Variants in CAMK2D observed in about 807,000 individuals in gnomAD.
CAMK2D encodes calcium/calmodulin dependent protein kinase II delta.
In CAMK2D, 37 loss-of-function variants were observed where a neutral mutation model predicts 84.0. The ratio of observed to expected loss-of-function variants is 0.44; its 90% CI spans 0.34 to 0.58. The LOEUF (loss-of-function observed/expected upper bound fraction) is 0.58. Ranked by LOEUF, CAMK2D falls within the 20% of genes least tolerant of loss-of-function variation. The pLI is 0.02. For synonymous variants in CAMK2D, 202 were observed against 212.5 expected, an observed-to-expected ratio of 0.95 and a Z score of 0.43; for missense variants, 448 against 652.5, an observed-to-expected ratio of 0.69 and a Z score of 3.41.
chr4:113,542,695 A>G (rs1024641619), intron 6 of CAMK2D, among the ~76,000 whole-genome samples: 3 of 150,688 alleles, frequency 2.0e-5, no homozygotes, highest in Admixed American at 6.6e-5. Context: ...AGCCTGGGCA[A>G]CAGAGCGAGA....
chr4:113,750,299 T>G (rs80117603), intron 2 of CAMK2D, among the ~76,000 whole-genome samples: 2,975 of 152,224 alleles, frequency 0.02, 127 homozygotes, highest in East Asian at 0.18. Context: ...CAGTACCAGG[T>G]GTACTCACTC....
At chr4:113,622,894 T>C (rs2099052140) in intron 3 of CAMK2D, among the ~76,000 whole-genome samples, 1 of 152,208 alleles carries the variant, frequency 6.6e-6, no homozygotes, top group Non-Finnish European at 1.5e-5. Context: ...AGAATAGGTA[T>C]CTTTATTTTG....
chr4:113,507,107 A>C lies in CAMK2D; in HGVS notation c.985-2072T>G, dbSNP rs558629900. On this transcript the variant is annotated intron_variant, in intron 13 of 20. Coordinates refer to ENST00000511664, the MANE Select transcript of CAMK2D (RefSeq NM_001321571.2). ...TTTTTTGTTAATGTAAAGACTAACT[A>C]AATGATTTTTTTCCTATGGAAAATC... Among the ~76,000 whole-genome samples the C allele has an allele frequency of 1.4e-4, 22 of 152,370 alleles. No homozygotes were observed. In the East Asian group the frequency reaches 4.0e-3, roughly 28 times the overall value.
chr4:113,528,889 T>C (rs2098439460), intron 8 of CAMK2D, among the ~76,000 whole-genome samples: 1 of 152,128 alleles, frequency 6.6e-6, no homozygotes, highest in Admixed American at 6.6e-5. Context: ...CAAAGATATT[T>C]TGTGACAATG....
At chr4:113,624,933 AT>A (rs1371314576) in intron 3 of CAMK2D, among the ~76,000 whole-genome samples, 1 of 152,236 alleles carries the variant, frequency 6.6e-6, no homozygotes, top group African/African-American at 2.4e-5. Context: ...TTTAGCTACA[AT>A]AATAGTTATC....
At chr4:113,568,065 T>C (rs887210563) in intron 4 of CAMK2D, among the ~76,000 whole-genome samples, 1 of 152,206 alleles carries the variant, frequency 6.6e-6, no homozygotes, top group African/African-American at 2.4e-5. Flanking sequence ...TATTTTTTTA[T>C]GGAAAAGTGA....
At chr4:113,601,342 G>C (rs1046267278) in intron 4 of CAMK2D, among the ~76,000 whole-genome samples, 1 of 151,724 alleles carries the variant, frequency 6.6e-6, no homozygotes, top group African/African-American at 2.4e-5. Context: ...CATTTAAAGT[G>C]TTCTTCCTTA....
chr4:113,603,773 T>TTATATATATATATATATATATA lies in CAMK2D; in HGVS notation c.275+5357_275+5378dup, dbSNP rs139576985. 1.4e-3 allele frequency among the ~76,000 whole-genome samples: 184 copies of TTATATATATATATATATATATA among 127,904 alleles called. 3 individuals carry two copies. The highest frequency in any genetic ancestry group is 5.9e-3 in the African/African-American group (180 of 30,612). 83.9% of individuals were successfully genotyped at this position (127,904 alleles called of 152,430 possible). A position where few individuals can be genotyped will look rare whatever the true frequency, so the allele number is the denominator to read the frequency against. The stretch of plus-strand genomic sequence containing the variant: ...ATCTTTCTATATATTTCTTGCTATT[T>TTATATATATATATATATATATA]TATATATATATATATATATATATAT... On this transcript the variant is annotated intron_variant, in intron 4 of 20. Coordinates refer to ENST00000511664, the MANE Select transcript of CAMK2D (RefSeq NM_001321571.2).
chr4:113,525,141 G>T (rs1391099165), intron 8 of CAMK2D, among the ~76,000 whole-genome samples: 1 of 152,126 alleles, frequency 6.6e-6, no homozygotes, highest in Non-Finnish European at 1.5e-5. Context: ...CACAAGAAAA[G>T]AAGAAACATA....
At chr4:113,595,782 T>G (rs754802132) in intron 4 of CAMK2D, among the ~76,000 whole-genome samples, 1 of 152,236 alleles carries the variant, frequency 6.6e-6, no homozygotes, top group Non-Finnish European at 1.5e-5. Context: ...CTAATGATCA[T>G]CTAAGACTTT....
chr4:113,641,396 A>T (rs2099131664), intron 3 of CAMK2D, among the ~76,000 whole-genome samples: 2 of 152,242 alleles, frequency 1.3e-5, no homozygotes, highest in African/African-American at 4.8e-5. Context: ...CTAAATTAAA[A>T]ACACTTGATA....
At chr4:113,679,741 T>C (rs1592924989) in intron 2 of CAMK2D, among the ~76,000 whole-genome samples, 1 of 152,296 alleles carries the variant, frequency 6.6e-6, no homozygotes, top group Admixed American at 6.5e-5. Flanking sequence ...ATACGCAGCA[T>C]ACAACTTACT....
intron 16 of CAMK2D, among the ~76,000 whole-genome samples, chr4:113,485,059 C>T (rs561227056): frequency 6.6e-6 from 1 of 152,290 alleles, no homozygotes; most frequent in South Asian, 2.1e-4. Flanking sequence ...ATGATCCCAG[C>T]TCCTGTTAAA....
intron 2 of CAMK2D, among the ~76,000 whole-genome samples, chr4:113,663,590 A>AAATAATAATAATAATAATAAT (rs10525797): frequency 5.3e-4 from 78 of 146,002 alleles, no homozygotes; most frequent in African/African-American, 1.8e-3. Context: ...CTCTGTCTAA[A>AAATAATAATAATAATAATAAT]AATAATAATA....
chr4:113,581,062 A>G (rs2098806037), intron 4 of CAMK2D, among the ~76,000 whole-genome samples: 1 of 152,170 alleles, frequency 6.6e-6, no homozygotes, highest in Non-Finnish European at 1.5e-5. Flanking sequence ...CATGTGCCCC[A>G]GCACTAAAAA....
At chr4:113,738,543 G>A (rs774799941) in intron 2 of CAMK2D, among the ~76,000 whole-genome samples, 1 of 152,062 alleles carries the variant, frequency 6.6e-6, no homozygotes, top group Non-Finnish European at 1.5e-5. Flanking sequence ...TATTTTTAAT[G>A]TGTTATTATC....
In CAMK2D at chr4:113,554,540, T is replaced by A. The variant is rs554076428; in HGVS notation, c.276-2444A>T. ...ACAACATTCTCTCTCCTAGTATTCA[T>A]TCGTCCCATTATTTAAAAATATCTT... On this transcript the variant is annotated intron_variant, in intron 4 of 20. Coordinates refer to ENST00000511664, the MANE Select transcript of CAMK2D (RefSeq NM_001321571.2). Among the ~76,000 whole-genome samples the A allele has an allele frequency of 2.2e-4, 34 of 152,282 alleles. 1 individual carries two copies. In the South Asian group the frequency reaches 5.6e-3, roughly 25 times the overall value.
chr4:113,627,255 T>G (rs557259594), intron 3 of CAMK2D, among the ~76,000 whole-genome samples: 1 of 152,296 alleles, frequency 6.6e-6, no homozygotes, highest in South Asian at 2.1e-4. Context: ...TTAATTTGAT[T>G]CTTTCAATTT....
chr4:113,528,024 A>C (rs1051828534), intron 8 of CAMK2D, among the ~76,000 whole-genome samples: 1 of 152,180 alleles, frequency 6.6e-6, no homozygotes, highest in Non-Finnish European at 1.5e-5. Context: ...ACCTTTTACA[A>C]AATAAAACAA....
Sources: allele counts gnomAD v4.1 joint callset (sites outside exome capture counted in the v4.1 genomes callset), GRCh38; gene constraint gnomAD v4.1.1; transcripts MANE v1.5; gene names NCBI Gene and HGNC (gene_info 2026-07-23, HGNC 2026-07-21).